The following BAZ2B variants were observed in gnomAD, a reference collection of about 807,000 sequenced individuals.
BAZ2B encodes the protein bromodomain adjacent to zinc finger domain protein 2B.
A neutral mutation model predicts 246.0 loss-of-function variants in BAZ2B; 91 were observed. The ratio of observed to expected loss-of-function variants is 0.37; its 90% CI spans 0.31 to 0.44. The LOEUF is 0.44. Among genes scored for constraint, BAZ2B ranks in the 20% least tolerant of loss-of-function variants. BAZ2B has a pLI of 1.00. For missense variants in BAZ2B, 2,332 were observed against 2,533.7 expected, an observed-to-expected ratio of 0.92 and a Z score of 1.71; for synonymous variants, 855 against 860.0, an observed-to-expected ratio of 0.99 and a Z score of 0.10.
the BAZ2B span, among the ~76,000 whole-genome samples, chr2:159,685,082 A>G: frequency 2.6e-5 from 4 of 152,130 alleles, no homozygotes; most frequent in Non-Finnish European, 4.4e-5. Flanking sequence ...ATTAAACTAG[A>G]CTGCTTACTG....
At chr2:159,337,226 GCA>G in intron 32 of BAZ2B, 149 bp from the exon 33 acceptor site, 1 of 1,106,010 alleles carries the variant, frequency 9.0e-7, no homozygotes, top group East Asian at 2.4e-5. Flanking sequence ...TTGATGTAGT[GCA>G]CAGACTGTGG....
chr2:159,578,189 A>G lies in BAZ2B; in HGVS notation c.-45-22324T>C, dbSNP rs536245684. 2.6e-5 allele frequency among the ~76,000 whole-genome samples: 4 copies of G among 152,338 alleles called. No individual in the cohort carries two copies. In the South Asian group the frequency reaches 6.2e-4, roughly 24 times the overall value. ...AGCAAAAGGAACAACACTGAACAAC[A>G]GAGTCAAGAAACAGACTGTGGTTTC... On this transcript the variant is annotated intron_variant, in intron 1 of 36. Coordinates refer to ENST00000392783, the MANE Select transcript of BAZ2B (RefSeq NM_013450.4).
At chr2:159,625,441 C>A in the BAZ2B span, among the ~76,000 whole-genome samples, 371 of 152,256 alleles carry the variant, frequency 2.4e-3, 2 homozygotes, top group African/African-American at 8.5e-3. Context: ...GGTCGGGTTA[C>A]CCACAAAGGG....
intron 27 of BAZ2B, among the ~76,000 whole-genome samples, chr2:159,365,923 T>G (rs1330325269): frequency 1.3e-5 from 2 of 152,218 alleles, no homozygotes; most frequent in East Asian, 3.9e-4. Context: ...CTGTACCAAA[T>G]AATCCTCTGC....
intron 1 of BAZ2B, among the ~76,000 whole-genome samples, chr2:159,581,307 A>T (rs1578601623): frequency 6.6e-6 from 1 of 152,374 alleles, no homozygotes; most frequent in Non-Finnish European, 1.5e-5. Context: ...TGCAGCCAAC[A>T]GACACATGAA....
chr2:159,410,413 GT>G (rs1325080255), intron 14 of BAZ2B, among the ~76,000 whole-genome samples: 4 of 152,194 alleles, frequency 2.6e-5, no homozygotes, highest in Non-Finnish European at 5.9e-5. Context: ...TCATGAGGGG[GT>G]TTCCCCCCAT....
rs149909820 is a variant in BAZ2B at position 159,559,622 on chromosome 2, C to T, written c.-45-3757G>A. On this transcript the variant is annotated intron_variant, in intron 1 of 36. Transcript: ENST00000392783. ...GGATAAAAAAACTAGTAAAGGCATTCCTTCCTCATGGTAGCAATTTTTATA... is the reference window on the plus strand; with the variant it reads ...GGATAAAAAAACTAGTAAAGGCATTTCTTCCTCATGGTAGCAATTTTTATA... Among the ~76,000 whole-genome samples, 341 of 152,240 alleles carry T rather than the reference C, an allele frequency of 2.2e-3. 1 individual carries two copies. Among genetic ancestry groups the T allele is most frequent in the Non-Finnish European group, 3.8e-3 (260 of 68,004 alleles).
chr2:159,465,125 C>T (rs2076884990), intron 3 of BAZ2B, among the ~76,000 whole-genome samples: 1 of 152,152 alleles, frequency 6.6e-6, no homozygotes, highest in Non-Finnish European at 1.5e-5. Context: ...ATCAAGGTGT[C>T]AACAAGGCCA....
the BAZ2B span, chr2:159,694,837 T>C: frequency 2.6e-5 from 4 of 152,236 alleles, no homozygotes; most frequent in South Asian, 4.1e-4. Context: ...GAGTATATAC[T>C]TAGTAACGAT....
Position 159,496,680 on chromosome 2 carries a change from G to A in BAZ2B, c.-2-17959C>T, listed in dbSNP as rs2081191000. Among the ~76,000 whole-genome samples, 4 of 149,228 alleles carry A rather than the reference G, an allele frequency of 2.7e-5. No homozygotes were observed. In the South Asian group the frequency reaches 8.4e-4, roughly 31 times the overall value. On this transcript the variant is annotated intron_variant, in intron 2 of 36. Transcript: ENST00000392783. ...GACTGTAATCCCAACTACTCAGGAA[G>A]GCTGAGGCAGGAGAATCGCTTGAAC...
chr2:159,457,502 T>A (rs1263184055), intron 3 of BAZ2B, among the ~76,000 whole-genome samples: 1 of 152,144 alleles, frequency 6.6e-6, no homozygotes, highest in East Asian at 1.9e-4. Flanking sequence ...CTGTCTTGAG[T>A]CTTTAGGCAA....
intron 2 of BAZ2B, among the ~76,000 whole-genome samples, chr2:159,547,318 G>A (rs1466396673): frequency 6.6e-6 from 1 of 152,066 alleles, no homozygotes; most frequent in African/African-American, 2.4e-5. Context: ...ATTTGTATTA[G>A]TTAAACTTTT....
intron 10 of BAZ2B, 139 bp from the exon 11 acceptor site, chr2:159,429,399 T>A (rs2070659267): frequency 4.0e-6 from 2 of 503,880 alleles, no homozygotes; most frequent in Admixed American, 3.7e-5. Context: ...ACATTATTTT[T>A]AGATGGTTTT....
intron 1 of BAZ2B, among the ~76,000 whole-genome samples, chr2:159,599,922 C>A (rs1220715566): frequency 8.5e-6 from 1 of 118,244 alleles, no homozygotes; most frequent in Non-Finnish European, 1.6e-5. Context: ...GGCGACAGAG[C>A]GAGACTCCTT....
intron 1 of BAZ2B, among the ~76,000 whole-genome samples, chr2:159,580,261 C>T (rs1383630346): frequency 6.6e-6 from 1 of 152,128 alleles, no homozygotes; most frequent in East Asian, 1.9e-4. Context: ...CACAAGCATT[C>T]CTATATACCA....
chr2:159,338,731 C>T (rs1559006364), intron 31 of BAZ2B, among the ~76,000 whole-genome samples: 1 of 152,220 alleles, frequency 6.6e-6, no homozygotes, highest in Non-Finnish European at 1.5e-5. Context: ...TCGTGCTCTG[C>T]TCATGCTGTT....
At chr2:159,351,752 A>G (rs964077581) in intron 27 of BAZ2B, among the ~76,000 whole-genome samples, 2 of 152,214 alleles carry the variant, frequency 1.3e-5, no homozygotes, top group African/African-American at 4.8e-5. Context: ...TTTCTGGTTC[A>G]TATTTTTGCT....
chr2:159,327,512 GTTAT>G (rs1458472903), intron 34 of BAZ2B, among the ~76,000 whole-genome samples: 1 of 151,980 alleles, frequency 6.6e-6, no homozygotes, highest in Non-Finnish European at 1.5e-5. Context: ...TCTCCATTTA[GTTAT>G]TTATATTCAT....
intron 14 of BAZ2B, among the ~76,000 whole-genome samples, chr2:159,407,228 T>C (rs1487958949): frequency 1.3e-5 from 2 of 151,818 alleles, no homozygotes. Context: ...TCCCAGCACT[T>C]TGGGAGGCTG....
Sources: gnomAD v4.1 joint callset for allele counts (sites outside exome capture counted in the v4.1 genomes callset) on GRCh38, gnomAD v4.1.1 for gene constraint, MANE v1.5 for transcripts, NCBI Gene and HGNC (gene_info 2026-07-23, HGNC 2026-07-21) for gene names.